The following NOD2 variants were observed in gnomAD, a reference collection of about 807,000 sequenced individuals.
NOD2 encodes the protein nucleotide binding oligomerization domain containing 2.
NOD2 carries 86 observed loss-of-function variants against 90.9 expected under a neutral mutation model. The ratio of observed to expected loss-of-function variants is 0.95; its 90% confidence interval spans 0.79 to 1.13. The LOEUF (loss-of-function observed/expected upper bound fraction) is 1.13, where lower values mean the gene tolerates loss of function less well. Among genes scored for constraint, NOD2 ranks in the 50% most tolerant of loss-of-function variants. The probability of loss-of-function intolerance (pLI) is 0.00; values close to 1 mark genes in which losing one functional copy is unlikely to be tolerated. For missense variants in NOD2, 1,238 were observed against 1,283.8 expected (o/e 0.96, Z 0.55); for synonymous variants, 581 against 554.6 (o/e 1.05, Z -0.67).
intron 3 of NOD2, among the ~76,000 whole-genome samples, chr16:50,709,605 T>C (rs922323286): frequency 6.6e-6 from 1 of 152,262 alleles, no homozygotes; most frequent in African/African-American, 2.4e-5. Flanking sequence ...GATCACAGAC[T>C]CTTGTTCGAG....
chr16:50,703,529 C>T (rs1964035148), intron 2 of NOD2, among the ~76,000 whole-genome samples: 1 of 151,852 alleles, frequency 6.6e-6, no homozygotes, highest in South Asian at 2.1e-4. Context: ...GTCCCAGCTA[C>T]TCGGGAGGCT....
At chr16:50,723,258 C>T in intron 8 of NOD2, 43 bp from the exon 9 acceptor site, 1 of 1,583,690 alleles carries the variant, frequency 6.3e-7, no homozygotes, top group Non-Finnish European at 8.6e-7. Context: ...TCTCTGAGGT[C>T]TTTCCCTGCT....
At chr16:50,728,246 G>A in intron 10 of NOD2, 1 of 262,566 alleles carries the variant, frequency 3.8e-6, no homozygotes. Context: ...GCTTCTGATG[G>A]CCTGCCAGTA....
chr16:50,714,311 G>A (rs972067596), intron 4 of NOD2, among the ~76,000 whole-genome samples: 2 of 152,152 alleles, frequency 1.3e-5, no homozygotes, highest in African/African-American at 4.8e-5. Flanking sequence ...TGCTCAGACT[G>A]TGGTGTGTAA....
intron 10 of NOD2, chr16:50,728,034 G>A (rs937054344): frequency 1.6e-5 from 4 of 250,778 alleles, no homozygotes; most frequent in South Asian, 4.8e-5. Flanking sequence ...GTTCGCTGTT[G>A]TTGTGTAGAA....
At chr16:50,706,607 T>G (rs1596847571) in intron 2 of NOD2, among the ~76,000 whole-genome samples, 1 of 152,108 alleles carries the variant, frequency 6.6e-6, no homozygotes, top group Non-Finnish European at 1.5e-5. Context: ...ACCTGGCTGG[T>G]CCACATGGAG....
At chr16:50,719,848 C>A in intron 6 of NOD2, 77 bp from the exon 7 acceptor site, 1 of 1,343,212 alleles carries the variant, frequency 7.4e-7, no homozygotes, top group Non-Finnish European at 1.1e-6. Flanking sequence ...TCCTGTGTTT[C>A]CCTGGCCAGG....
At chr16:50,728,930 T>C (rs1000524797) in intron 10 of NOD2, 1 of 152,952 alleles carries the variant, frequency 6.5e-6, no homozygotes, top group African/African-American at 2.4e-5. Flanking sequence ...AATTAAGTAC[T>C]GTATTAGTCC....
At position 50,722,842 on chromosome 16, in the gene NOD2, T is replaced by C. The variant is rs1965121235; in HGVS notation, c.2717+137T>C. The C allele has an allele frequency of 3.5e-6, 3 of 846,430 alleles. No homozygotes were observed. The East Asian group carries it at 7.3e-5, about 21-fold the overall frequency. The allele number at this position is 846,430 out of a possible 1,614,324, so 52.4% of individuals were successfully genotyped here. A position where few individuals can be genotyped will look rare whatever the true frequency, so the allele number is the denominator to read the frequency against. ...CAATGGAGTAAGGAAAAAAGACCATTGGATTTCAAGAGAGGACACTCGAGT... is the reference window on the plus strand; with the variant it reads ...CAATGGAGTAAGGAAAAAAGACCATCGGATTTCAAGAGAGGACACTCGAGT... On this transcript the variant is annotated intron_variant, in intron 8 of 11. Transcript: ENST00000647318.
At chr16:50,696,954 T>C (rs5743263) in intron 1 of NOD2, among the ~76,000 whole-genome samples, 3,939 of 152,344 alleles carry the variant, frequency 0.026, 67 homozygotes, top group Middle Eastern at 0.061. Context: ...CCCTACTTAC[T>C]TGTGGCCTGT....
In NOD2 at chr16:50,711,392, A is replaced by G; in HGVS notation, c.1400A>G (p.Lys467Arg). 6.2e-7 allele frequency: 1 copy of G among 1,613,718 alleles called. No homozygotes were observed. The highest frequency in any genetic ancestry group is 8.5e-7 in the Non-Finnish European group (1 of 1,180,042). ...HLPVFSWMVSKCHQELLLQEG... is the reference protein window; with the variant it reads ...HLPVFSWMVSRCHQELLLQEG... ...CCTGTCTTCTCATGGATGGTGTCCA[A>G]ATGCCACCAGGAACTGTTGCTGCAG... Residue 467 changes from lysine (K) to arginine (R), a missense_variant, in exon 4 of 12, where the codon AAA becomes AGA. By Grantham distance (26) the Lys-to-Arg change is conservative. Around this residue, in one of 3 missense-constraint regions of NOD2, gnomAD observed 667 missense variants for 688.7 expected, o/e 0.97. Transcript: ENST00000647318.
intron 1 of NOD2, among the ~76,000 whole-genome samples, chr16:50,698,431 G>T (rs1313709437): frequency 6.6e-6 from 1 of 152,192 alleles, no homozygotes; most frequent in Non-Finnish European, 1.5e-5. Flanking sequence ...GCACCAGAAC[G>T]CTCGGAAACA....
Position 50,707,957 on chromosome 16 carries a change from G to A in NOD2, c.562G>A (p.Glu188Lys). 1 of 1,603,546 alleles carries A rather than the reference G, an allele frequency of 6.2e-7. No homozygotes were observed. Among genetic ancestry groups the A allele is most frequent in the Non-Finnish European group, 8.5e-7 (1 of 1,170,370 alleles). The change falls in exon 3 of 12, where the codon GAA becomes AAA. Residue 188 changes from glutamate (E) to lysine (K), a missense_variant. Transcript: ENST00000647318. Reference sequence around the variant, plus strand: ...ACCAGTCCCATTGGCCCTGCCTTTGGAAGGTAGGTGTATGTTCTCAGTTAA... The same window carrying A: ...ACCAGTCCCATTGGCCCTGCCTTTGAAAGGTAGGTGTATGTTCTCAGTTAA... ...ELPVPLALPLEAATCKKYMAK... is the reference protein window; with the variant it reads ...ELPVPLALPLKAATCKKYMAK...
chr16:50,697,721 C>G (rs1458437721), intron 1 of NOD2: 4 of 323,568 alleles, frequency 1.2e-5, no homozygotes, highest in Non-Finnish European at 6.1e-6. Context: ...GGTACACCCT[C>G]TCTCCCAAGC....
In NOD2 at chr16:50,731,837, T is replaced by C. The variant is rs771562333; in HGVS notation, c.*18T>C. Reference sequence around the variant, plus strand: ...TGCTTTGAAGTCTCCGGGAGGATGTTCGTCTCAGTTTGTTTGTGAGCAGGC... The same window carrying C: ...TGCTTTGAAGTCTCCGGGAGGATGTCCGTCTCAGTTTGTTTGTGAGCAGGC... On this transcript the variant is annotated 3_prime_UTR_variant, in exon 12 of 12. Transcript: ENST00000647318. 1 of 1,603,746 alleles carries C rather than the reference T, an allele frequency of 6.2e-7. No individual in the cohort carries two copies. The highest frequency in any genetic ancestry group is 1.1e-5 in the South Asian group (1 of 90,854).
chr16:50,724,356 T>C (rs1965193425), intron 9 of NOD2, among the ~76,000 whole-genome samples: 1 of 152,222 alleles, frequency 6.6e-6, no homozygotes, highest in African/African-American at 2.4e-5. Context: ...TATGAGAGCA[T>C]CAGTTATGAT....
At chr16:50,720,274 G>C (rs187308148) in intron 7 of NOD2, among the ~76,000 whole-genome samples, 35 of 152,160 alleles carry the variant, frequency 2.3e-4, no homozygotes, top group African/African-American at 8.2e-4. Flanking sequence ...CTCAGGGGGC[G>C]CTAGGGCTGT....
intron 4 of NOD2, chr16:50,713,390 A>T (rs1964629451): frequency 6.6e-6 from 1 of 152,182 alleles, no homozygotes; most frequent in Admixed American, 6.5e-5. Context: ...TTCATCATGG[A>T]CCAAACACAT....
chr16:50,709,771 G>A (rs368523477), intron 3 of NOD2, among the ~76,000 whole-genome samples: 23 of 152,248 alleles, frequency 1.5e-4, no homozygotes, highest in Middle Eastern at 3.4e-3. Context: ...CTGAGAATCC[G>A]GACATGGACA....
Sources: allele counts gnomAD v4.1 joint callset (sites outside exome capture counted in the v4.1 genomes callset), GRCh38; gene constraint gnomAD v4.1.1; regional missense constraint gnomAD v4.1.1; transcripts MANE v1.5; gene names NCBI Gene and HGNC (gene_info 2026-07-23, HGNC 2026-07-21).